Variants in ALLC observed in about 807,000 individuals in gnomAD.
ALLC encodes the protein probable inactive allantoicase.
In ALLC, 40 loss-of-function variants were observed where a neutral mutation model predicts 45.0. The ratio of observed to expected loss-of-function variants is 0.89; its 90% CI spans 0.69 to 1.16. The LOEUF is 1.16. Ranked by LOEUF, ALLC falls within the 50% of genes most tolerant of loss-of-function variation. The probability of loss-of-function intolerance (pLI) is 0.00; values close to 1 mark genes in which losing one functional copy is unlikely to be tolerated. For synonymous variants in ALLC, 176 were observed against 178.1 expected (o/e 0.99, Z 0.09); for missense variants, 488 against 493.1 (o/e 0.99, Z 0.10).
chr2:3,649,386 C>T, the ALLC span, among the ~76,000 whole-genome samples: 4 of 152,192 alleles, frequency 2.6e-5, no homozygotes, highest in Non-Finnish European at 4.4e-5. Context: ...GGTCTACAGG[C>T]GCCCGCCACC....
At position 3,695,879 on chromosome 2, in the gene ALLC, T is replaced by C. The variant is rs1191123638; in HGVS notation, c.667+7T>C. 1.9e-6 allele frequency: 3 copies of C among 1,598,158 alleles called. No homozygotes were observed. Among genetic ancestry groups the C allele is most frequent in the Non-Finnish European group, 2.6e-6 (3 of 1,173,326 alleles). ...CACCCAAACAATATAATAGGTAAGA[T>C]GATATTCTTGGAGCTGGCTTATTTA... On this transcript the variant is annotated splice_region_variant and intron_variant, in intron 8 of 11. Transcript: ENST00000252505.
At chr2:3,659,523 G>A (rs1666517817) in intron 1 of ALLC, among the ~76,000 whole-genome samples, 1 of 152,246 alleles carries the variant, frequency 6.6e-6, no homozygotes, top group Non-Finnish European at 1.5e-5. Flanking sequence ...AGCAGGCAGT[G>A]GGAGGGGTTG....
At chr2:3,660,879 G>GAATGAGTCAGGGTGGAGCAGGTGATCT (rs1666557774) in intron 1 of ALLC, among the ~76,000 whole-genome samples, 1 of 149,828 alleles carries the variant, frequency 6.7e-6, no homozygotes, top group African/African-American at 2.5e-5. Flanking sequence ...GCAGGTGATC[G>GAATGAGTCAGGGTGGAGCAGGTGATCT]GAATGAGTCA....
At chr2:3,696,015 T>C in intron 8 of ALLC, 143 bp downstream of exon 8, 2 of 1,028,616 alleles carry the variant, frequency 1.9e-6, no homozygotes, top group Non-Finnish European at 2.8e-6. Context: ...TGTGTAGGAT[T>C]TGATGCCTTT....
In ALLC at chr2:3,671,155, C is replaced by A; in HGVS notation, c.-3C>A. ...GACCCGGTTTCTGGACTTCACCCAG[C>A]TGATGGACATGGCATCTGAATCCGT... is the stretch of plus-strand genomic sequence containing the variant. On this transcript the variant is annotated 5_prime_UTR_variant, in exon 2 of 12. In the 5' UTR this introduces an upstream ATG that the reference lacks. Coordinates refer to ENST00000252505, the MANE Select transcript of ALLC (RefSeq NM_018436.4). 1 of 1,611,306 alleles carries A rather than the reference C, an allele frequency of 6.2e-7. No homozygotes were observed. Among genetic ancestry groups the A allele is most frequent in the South Asian group, 1.1e-5 (1 of 89,934 alleles).
chr2:3,681,705 A>G lies in ALLC; in HGVS notation c.370A>G (p.Ile124Val), dbSNP rs201353816. 5.0e-6 allele frequency: 8 copies of G among 1,608,678 alleles called. No individual in the cohort carries two copies. The East Asian group carries it at 8.9e-5, about 18-fold the overall frequency. Residue 124 changes from isoleucine to valine, a missense_variant, in exon 6 of 12, where the codon ATT becomes GTT. Physicochemically the swap from Ile to Val is conservative, Grantham distance 29. Coordinates refer to ENST00000252505, the MANE Select transcript of ALLC (RefSeq NM_018436.4). The part of the protein sequence containing the change: ...AAATPEEFEA[I>V]AELKSDDWSY... ...AGCCACTCCTGAGGAGTTTGAAGCC[A>G]TTGCTGAGGTACATCTCCCCCAAAT...
chr2:3,681,558 T>A (rs1667178986), intron 5 of ALLC, 76 bp from the exon 6 acceptor site: 1 of 1,071,178 alleles, frequency 9.3e-7, no homozygotes. Flanking sequence ...AGAATTACCA[T>A]ACAAACCACC....
intron 9 of ALLC, among the ~76,000 whole-genome samples, chr2:3,696,998 AC>A (rs929185370): frequency 7.1e-4 from 108 of 152,350 alleles, no homozygotes; most frequent in African/African-American, 2.5e-3. Flanking sequence ...GGTTTGACCA[AC>A]AAAATATGTA....
chr2:3,679,788 G>A, intron 4 of ALLC, 81 bp from the exon 5 acceptor site: 1 of 1,584,924 alleles, frequency 6.3e-7, no homozygotes, highest in East Asian at 2.3e-5. Context: ...TGGGTCAGGT[G>A]CATGTGGGGT....
the ALLC span, among the ~76,000 whole-genome samples, chr2:3,645,943 G>A: frequency 1.3e-5 from 2 of 152,158 alleles, no homozygotes; most frequent in Non-Finnish European, 2.9e-5. The surrounding 1 kb of genome is among the most constrained non-coding windows in gnomAD (Gnocchi z 4.3). Context: ...AGGCCCCGAC[G>A]GCCCTTTGTT....
intron 1 of ALLC, among the ~76,000 whole-genome samples, chr2:3,665,683 T>C (rs1018628857): frequency 6.6e-6 from 1 of 152,364 alleles, no homozygotes; most frequent in East Asian, 1.9e-4. Context: ...ATGGTCTATA[T>C]GTACCACATT....
rs767864168 is a variant in ALLC, at chr2:3,681,726, C to G, written c.378+13C>G. On this transcript the variant is annotated intron_variant, in intron 6 of 11. Transcript: ENST00000252505. Reference sequence around the variant, plus strand: ...AGCCATTGCTGAGGTACATCTCCCCCAAATGAATTGGGTCTTGTCACCAAT... The same window carrying G: ...AGCCATTGCTGAGGTACATCTCCCCGAAATGAATTGGGTCTTGTCACCAAT... 6.3e-7 allele frequency: 1 copy of G among 1,598,284 alleles called. No individual in the cohort carries two copies. Among genetic ancestry groups the G allele is most frequent in the South Asian group, 1.1e-5 (1 of 88,518 alleles).
At chr2:3,652,245 G>A in the ALLC span, among the ~76,000 whole-genome samples, 1 of 152,234 alleles carries the variant, frequency 6.6e-6, no homozygotes, top group South Asian at 2.1e-4. Context: ...CTGTTGCTAT[G>A]GAAGCGGCTG....
At chr2:3,665,506 T>A (rs1666682156) in intron 1 of ALLC, among the ~76,000 whole-genome samples, 1 of 152,162 alleles carries the variant, frequency 6.6e-6, no homozygotes, top group Non-Finnish European at 1.5e-5. Flanking sequence ...ATGTTCCCCT[T>A]CCTGCGTCCG....
chr2:3,647,405 G>A, the ALLC span, among the ~76,000 whole-genome samples: 2 of 152,010 alleles, frequency 1.3e-5, no homozygotes, highest in Admixed American at 6.6e-5. Flanking sequence ...AACCTGTCTT[G>A]GGGCAATTCC....
chr2:3,655,958 G>C (rs1368700405), upstream of ALLC, among the ~76,000 whole-genome samples: 2 of 152,038 alleles, frequency 1.3e-5, no homozygotes, highest in African/African-American at 2.4e-5. Context: ...TCCGGTGGGG[G>C]ATGTGGGTAG....
chr2:3,693,105 G>A (rs1210124998), intron 7 of ALLC, among the ~76,000 whole-genome samples: 1 of 152,272 alleles, frequency 6.6e-6, no homozygotes, highest in African/African-American at 2.4e-5. Flanking sequence ...GACTCTCACT[G>A]TTCTTACTGA....
In ALLC at chr2:3,695,703, C is replaced by A; in HGVS notation, c.512-14C>A. The A allele has an allele frequency of 6.2e-7, 1 of 1,613,932 alleles. No homozygotes were observed. Among genetic ancestry groups the A allele is most frequent in the Non-Finnish European group, 8.5e-7 (1 of 1,179,850 alleles). ...ATTTTTACAAACAATAACTAAGGCA[C>A]CTTTCCTTTTCAGATGGTGGAATTG... is the stretch of plus-strand genomic sequence containing the variant. On this transcript the variant is annotated splice_polypyrimidine_tract_variant and intron_variant, in intron 7 of 11. Coordinates refer to ENST00000252505, the MANE Select transcript of ALLC (RefSeq NM_018436.4).
At chr2:3,702,277 G>C in intron 11 of ALLC, 86 bp from the exon 12 acceptor site, 1 of 1,193,030 alleles carries the variant, frequency 8.4e-7, no homozygotes, top group Non-Finnish European at 1.2e-6. Flanking sequence ...TTAAGTCTAA[G>C]CCAAAGGTTT....
Sources: gnomAD v4.1 joint callset for allele counts (sites outside exome capture counted in the v4.1 genomes callset) on GRCh38, gnomAD v4.1.1 for gene constraint, Gnocchi (gnomAD v3.1) non-coding constraint, MANE v1.5 for transcripts, NCBI Gene and HGNC (gene_info 2026-07-23, HGNC 2026-07-21) for gene names.